Variants in LRFN5 observed in about 807,000 individuals in gnomAD.
The protein encoded by LRFN5 is leucine-rich repeat and fibronectin type-III domain-containing protein 5.
In LRFN5, 24 loss-of-function variants were observed where a neutral mutation model predicts 45.6. The observed-to-expected ratio is 0.53, with a 90% CI of 0.38 to 0.74. LRFN5 has a LOEUF of 0.74. Among genes scored for constraint, LRFN5 ranks in the 30% least tolerant of loss-of-function variants. The pLI is 0.00. For missense variants in LRFN5, 776 were observed against 861.5 expected, an observed-to-expected ratio of 0.90 and a Z score of 1.24; for synonymous variants, 340 against 313.8, an observed-to-expected ratio of 1.08 and a Z score of -0.88.
chr14:41,688,910 C>CA (rs59803978), intron 1 of LRFN5, among the ~76,000 whole-genome samples: 5,026 of 125,168 alleles, frequency 0.04, 119 homozygotes, highest in Non-Finnish European at 0.062. Flanking sequence ...CTATTTCTAC[C>CA]AAAAAAAAAA....
intron 1 of LRFN5, among the ~76,000 whole-genome samples, chr14:41,759,298 A>G (rs1003938237): frequency 2.0e-5 from 3 of 152,072 alleles, no homozygotes; most frequent in African/African-American, 7.2e-5. Flanking sequence ...TTCTGAGTTT[A>G]TTTCAAAATC....
chr14:41,746,921 A>G (rs1884944807), intron 1 of LRFN5, among the ~76,000 whole-genome samples: 1 of 152,086 alleles, frequency 6.6e-6, no homozygotes, highest in East Asian at 1.9e-4. Context: ...AATGAACAGT[A>G]TGAAAAGAAA....
At chr14:41,792,015 A>T (rs527484899) in intron 2 of LRFN5, among the ~76,000 whole-genome samples, 2 of 152,224 alleles carry the variant, frequency 1.3e-5, no homozygotes, top group South Asian at 2.1e-4. Context: ...TATTTCAACG[A>T]TGTTCTTTCT....
chr14:41,642,930 C>T (rs997353403), intron 1 of LRFN5, among the ~76,000 whole-genome samples: 1 of 152,102 alleles, frequency 6.6e-6, no homozygotes, highest in African/African-American at 2.4e-5. Context: ...ATTTGTTATA[C>T]TTGTACACTG....
At chr14:41,681,804 A>ATTTG (rs1881900802) in intron 1 of LRFN5, among the ~76,000 whole-genome samples, 2 of 91,472 alleles carry the variant, frequency 2.2e-5, no homozygotes, top group East Asian at 5.5e-3. Flanking sequence ...TATTTTATTT[A>ATTTG]TTTATTTATT....
intron 2 of LRFN5, among the ~76,000 whole-genome samples, chr14:41,881,459 T>C (rs1332463684): frequency 1.3e-5 from 2 of 151,978 alleles, no homozygotes; most frequent in African/African-American, 4.8e-5. Flanking sequence ...TTTTAATAAA[T>C]CTTTATCTTT....
rs189747883 is a variant in LRFN5 at position 41,704,342 on chromosome 14, T to C, written c.-196-62512T>C. 2.4e-4 allele frequency among the ~76,000 whole-genome samples: 36 copies of C among 151,510 alleles called. No homozygotes were observed. The East Asian group carries it at 6.7e-3, about 28-fold the overall frequency. On this transcript the variant is annotated intron_variant, in intron 1 of 5. Coordinates refer to ENST00000298119, the MANE Select transcript of LRFN5 (RefSeq NM_152447.5). ...CATCTCATTACTTTACCTCTGGCCT[T>C]GTATTGCTTGTACCTCACTTTCAGT...
rs1481455472 is a variant in LRFN5, at chr14:41,775,080, A to ACTTTTT, written c.-21+8064_-21+8069dup. 1.6e-4 allele frequency among the ~76,000 whole-genome samples: 17 copies of ACTTTTT among 105,200 alleles called. 1 individual carries two copies. Among genetic ancestry groups the ACTTTTT allele is most frequent in the Admixed American group, 2.2e-4 (2 of 9,140 alleles). 69.0% of individuals were successfully genotyped at this position (105,200 alleles called of 152,430 possible). On this transcript the variant is annotated intron_variant, in intron 2 of 5. Coordinates refer to ENST00000298119, the MANE Select transcript of LRFN5 (RefSeq NM_152447.5). ...CAATTGAGGTGAAAGATTTGATGCT[A>ACTTTTT]CTTTTTCTTTTTCTTTTTTTTTTTT... is the stretch of plus-strand genomic sequence containing the variant.
At chr14:41,752,684 T>G (rs1418795276) in intron 1 of LRFN5, among the ~76,000 whole-genome samples, 1 of 152,148 alleles carries the variant, frequency 6.6e-6, no homozygotes, top group East Asian at 1.9e-4. Context: ...CAGATGAGTA[T>G]ATTGCAAAAA....
At chr14:41,725,964 G>GATTC (rs1277087980) in intron 1 of LRFN5, among the ~76,000 whole-genome samples, 1 of 152,090 alleles carries the variant, frequency 6.6e-6, no homozygotes, top group Non-Finnish European at 1.5e-5. Flanking sequence ...AGGAAATTAT[G>GATTC]ATTCATTTGG....
intron 2 of LRFN5, among the ~76,000 whole-genome samples, chr14:41,846,602 A>G (rs1402838172): frequency 1.3e-5 from 2 of 152,114 alleles, no homozygotes; most frequent in Non-Finnish European, 2.9e-5. Context: ...TTATATAACT[A>G]TGTTTATGTG....
intron 1 of LRFN5, among the ~76,000 whole-genome samples, chr14:41,734,348 A>ATATATATATAT (rs1224866516): frequency 2.0e-4 from 23 of 114,320 alleles, no homozygotes; most frequent in Middle Eastern, 4.3e-3. Flanking sequence ...ATATATATTT[A>ATATATATATAT]AATTTGCTGT....
In LRFN5 at chr14:41,757,291, C is replaced by T. The variant is rs532865137; in HGVS notation, c.-196-9563C>T. ...CACTACTCTCTTCAAAGCTGTCAGA[C>T]AGGGACATTTAAGTCTGCAGAGATT... is the stretch of plus-strand genomic sequence containing the variant. On this transcript the variant is annotated intron_variant, in intron 1 of 5. Transcript: ENST00000298119. 2.1e-4 allele frequency among the ~76,000 whole-genome samples: 32 copies of T among 152,318 alleles called. 1 individual carries two copies. The East Asian group carries it at 5.0e-3, about 24-fold the overall frequency.
At chr14:41,852,634 T>C (rs1333191987) in intron 2 of LRFN5, among the ~76,000 whole-genome samples, 1 of 151,962 alleles carries the variant, frequency 6.6e-6, no homozygotes, top group Non-Finnish European at 1.5e-5. Context: ...TTATCTTTTT[T>C]TGAAAGCCAG....
At chr14:41,821,039 C>T (rs908122706) in intron 2 of LRFN5, among the ~76,000 whole-genome samples, 2 of 151,874 alleles carry the variant, frequency 1.3e-5, no homozygotes, top group African/African-American at 2.4e-5. Flanking sequence ...TCAAGGTATA[C>T]AATTATATCA....
intron 2 of LRFN5, among the ~76,000 whole-genome samples, chr14:41,808,053 A>G (rs1408898737): frequency 6.6e-6 from 1 of 150,388 alleles, no homozygotes; most frequent in East Asian, 2.0e-4. Flanking sequence ...ATATGTAGAC[A>G]AGCTAACCCC....
chr14:41,661,846 A>G lies in LRFN5; in HGVS notation c.-197+53284A>G, dbSNP rs569089297. On this transcript the variant is annotated intron_variant, in intron 1 of 5. Transcript: ENST00000298119. ...ATAGAACAACAATAAACCTATACCA[A>G]GAAAAATTTGCAATGAGAGAAAGCC... Among the ~76,000 whole-genome samples the G allele has an allele frequency of 8.5e-5, 13 of 152,216 alleles. No homozygotes were observed. The South Asian group carries it at 1.4e-3, about 17-fold the overall frequency.
At chr14:41,691,885 A>G (rs1207918334) in intron 1 of LRFN5, among the ~76,000 whole-genome samples, 1 of 152,042 alleles carries the variant, frequency 6.6e-6, no homozygotes, top group Non-Finnish European at 1.5e-5. Flanking sequence ...AGTTTCATCA[A>G]TATTAGTGTA....
At chr14:41,673,240 C>CTCCT (rs1881325557) in intron 1 of LRFN5, among the ~76,000 whole-genome samples, 1 of 151,960 alleles carries the variant, frequency 6.6e-6, no homozygotes, top group Non-Finnish European at 1.5e-5. Context: ...GTACACCTCC[C>CTCCT]AGACGGGGTG....
Sources: allele counts gnomAD v4.1 joint callset (sites outside exome capture counted in the v4.1 genomes callset), GRCh38; gene constraint gnomAD v4.1.1; transcripts MANE v1.5; gene names NCBI Gene and HGNC (gene_info 2026-07-23, HGNC 2026-07-21).